Variants in METTL9 observed in about 807,000 individuals in gnomAD.
METTL9 encodes the protein protein-L-histidine N-pros-methyltransferase.
Under a neutral mutation model 36.0 loss-of-function variants are expected in METTL9, and 10 were observed. That is an observed-to-expected ratio of 0.28 (90% CI 0.17 to 0.47). METTL9 has a LOEUF of 0.47. METTL9 is among the 20% of genes least tolerant of loss of function. METTL9 has a pLI of 0.99. For missense variants in METTL9, 246 were observed against 383.5 expected (o/e 0.64, Z 3.00); for synonymous variants, 175 against 149.7 (o/e 1.17, Z -1.23).
rs1965044884 is a variant in METTL9 at position 21,599,618 on chromosome 16, CA to C, written c.-114del. ...TTTGCCCTGAAGGGGGCTGGATGGG[CA>C]AGGCGGCCGCGATGGCTCGAGCTCG... On this transcript the variant is annotated 5_prime_UTR_variant, in exon 1 of 5. An upstream open reading frame in the 5' UTR loses its in-frame stop. Transcript: ENST00000358154. The surrounding 1 kb of genome is among the most constrained non-coding windows in gnomAD (Gnocchi z 4.4). 1 of 1,333,206 alleles carries C rather than the reference CA, an allele frequency of 7.5e-7. No individual in the cohort carries two copies. Among genetic ancestry groups the C allele is most frequent in the South Asian group, 1.9e-5 (1 of 51,766 alleles). 82.6% of individuals were successfully genotyped at this position (1,333,206 alleles called of 1,614,324 possible).
At chr16:21,623,710 T>A (rs938055861) in intron 3 of METTL9, among the ~76,000 whole-genome samples, 6 of 152,146 alleles carry the variant, frequency 3.9e-5, no homozygotes, top group Admixed American at 3.3e-4. Context: ...GGTTTTTTTT[T>A]AAACCATGCT....
At chr16:21,641,726 C>T (rs1004894312) in intron 4 of METTL9, 11 of 484,168 alleles carry the variant, frequency 2.3e-5, no homozygotes, top group African/African-American at 2.0e-4. Context: ...TCTTAAAGGC[C>T]AGATTACCGT....
intron 4 of METTL9, among the ~76,000 whole-genome samples, chr16:21,632,585 G>A (rs956239646): frequency 7.9e-5 from 12 of 152,116 alleles, no homozygotes; most frequent in African/African-American, 2.2e-4. Flanking sequence ...TGAGGGCCAC[G>A]CACATACGTA....
chr16:21,628,888 G>GT (rs1965875667), intron 4 of METTL9, among the ~76,000 whole-genome samples: 2 of 142,380 alleles, frequency 1.4e-5, no homozygotes, highest in Admixed American at 7.3e-5. Context: ...GGCTTGAGAT[G>GT]TTTCTTTTTT....
At chr16:21,599,196 G>A (rs1271458250), upstream of METTL9, among the ~76,000 whole-genome samples, 1 of 151,864 alleles carries the variant, frequency 6.6e-6, no homozygotes, top group Non-Finnish European at 1.5e-5. The surrounding 1 kb of genome is among the most constrained non-coding windows in gnomAD (Gnocchi z 4.4). Context: ...AGGGTCGAGA[G>A]GTAACCCTGT....
intron 4 of METTL9, among the ~76,000 whole-genome samples, chr16:21,632,394 G>A (rs777140800): frequency 6.6e-6 from 1 of 152,144 alleles, no homozygotes; most frequent in Non-Finnish European, 1.5e-5. Context: ...ATGAACTATG[G>A]CATAATCTGC....
At chr16:21,609,214 C>T (rs1965364984) in intron 1 of METTL9, among the ~76,000 whole-genome samples, 2 of 151,920 alleles carry the variant, frequency 1.3e-5, no homozygotes, top group South Asian at 4.2e-4. Flanking sequence ...TGACAGAAAC[C>T]CCATGGCAGC....
intron 4 of METTL9, chr16:21,644,402 T>TTAA: frequency 6.3e-7 from 1 of 1,598,010 alleles, no homozygotes; most frequent in Non-Finnish European, 8.6e-7. Flanking sequence ...AATTTCTTAA[T>TTAA]GACAAAAACA....
chr16:21,611,556 A>T (rs569551849), intron 1 of METTL9, among the ~76,000 whole-genome samples: 2 of 152,306 alleles, frequency 1.3e-5, no homozygotes, highest in South Asian at 4.1e-4. Context: ...CTTATTTCTC[A>T]GGCTATGTTA....
chr16:21,657,038 C>T lies in METTL9; in HGVS notation c.*1606C>T, dbSNP rs568393731. 12 of 152,016 alleles carry T rather than the reference C, an allele frequency of 7.9e-5. No individual in the cohort carries two copies. The highest frequency in any genetic ancestry group is 3.3e-4 in the Admixed American group (5 of 15,248). 9.4% of individuals were successfully genotyped at this position (152,016 alleles called of 1,614,324 possible). On this transcript the variant is annotated 3_prime_UTR_variant, in exon 5 of 5. Coordinates refer to ENST00000358154, the MANE Select transcript of METTL9 (RefSeq NM_016025.5). ...CAGTTGAGTTTTGCTTCTTTATAAA[C>T]TGTCTGTTAAAATCAGGGGTTGCTG...
chr16:21,627,296 G>A (rs1597760438), intron 4 of METTL9: 1 of 979,780 alleles, frequency 1.0e-6, no homozygotes, highest in East Asian at 1.1e-4. Flanking sequence ...GGCTTAATTT[G>A]TTTTTTTTTA....
intron 4 of METTL9, chr16:21,644,349 C>A (rs188280590): frequency 1.2e-6 from 2 of 1,613,978 alleles, no homozygotes; most frequent in African/African-American, 1.3e-5. Flanking sequence ...AGCAGTGATA[C>A]AAGAGCTGTC....
chr16:21,642,925 A>G, intron 4 of METTL9: 1 of 553,102 alleles, frequency 1.8e-6, no homozygotes, highest in Non-Finnish European at 3.2e-6. Context: ...TTATTAAAAC[A>G]GGTTCTATAT....
upstream of METTL9, among the ~76,000 whole-genome samples, chr16:21,598,961 G>C (rs1171896723): frequency 1.3e-5 from 2 of 152,154 alleles, no homozygotes; most frequent in Non-Finnish European, 2.9e-5. Flanking sequence ...CTTGGGGAAC[G>C]GGGCAGGCGG....
At chr16:21,653,549 C>CT (rs1392910531) in intron 4 of METTL9, 9 of 152,250 alleles carry the variant, frequency 5.9e-5, no homozygotes. Context: ...CCTAGAGTCA[C>CT]TGGGAGGGCT....
Position 21,626,930 on chromosome 16 carries a change from A to T in METTL9, c.751+1815A>T, listed in dbSNP as rs971580415. On this transcript the variant is annotated intron_variant, in intron 4 of 4. Transcript: ENST00000358154. ...CGAATTTTATTTCCTTGTGTTTCTG[A>T]TGCTAAAAATGGAGAGGAAGTCAAA... 2.0e-6 allele frequency: 2 copies of T among 983,098 alleles called. 1 individual carries two copies. 60.9% of individuals were successfully genotyped at this position (983,098 alleles called of 1,614,324 possible). A position where few individuals can be genotyped will look rare whatever the true frequency, so the allele number is the denominator to read the frequency against.
chr16:21,643,232 T>C (rs1966324986), intron 4 of METTL9: 1 of 1,073,358 alleles, frequency 9.3e-7, no homozygotes, highest in African/African-American at 1.6e-5. Flanking sequence ...AGAACTTTTC[T>C]TGCTCTATTG....
rs1014466582 is a variant in METTL9, at chr16:21,647,584, G to C, written c.752-7643G>C. 63 of 1,461,456 alleles carry C rather than the reference G, an allele frequency of 4.3e-5. No homozygotes were observed. The African/African-American group carries it at 8.6e-4, about 20-fold the overall frequency. 90.5% of individuals were successfully genotyped at this position (1,461,456 alleles called of 1,614,324 possible). ...TTGAGGTAGGAAACCCAGCCATTCT[G>C]TTATTTTTCTTACCTTAATCCCAAT... On this transcript the variant is annotated intron_variant, in intron 4 of 4. Coordinates refer to ENST00000358154, the MANE Select transcript of METTL9 (RefSeq NM_016025.5).
chr16:21,625,697 A>T (rs1186045769), intron 4 of METTL9, among the ~76,000 whole-genome samples: 1 of 152,170 alleles, frequency 6.6e-6, no homozygotes, highest in Non-Finnish European at 1.5e-5. Context: ...GGTTGATTTC[A>T]TATCACTTCA....
Sources: allele counts gnomAD v4.1 joint callset (sites outside exome capture counted in the v4.1 genomes callset), GRCh38; gene constraint gnomAD v4.1.1; non-coding constraint Gnocchi (gnomAD v3.1); transcripts MANE v1.5; gene names NCBI Gene and HGNC (gene_info 2026-07-23, HGNC 2026-07-21).